FER: variants seen among roughly 807,000 people sequenced by gnomAD.
FER encodes the protein FER tyrosine kinase.
In FER, 63 loss-of-function variants were observed where a neutral mutation model predicts 111.0. The ratio of observed to expected loss-of-function variants is 0.57; its 90% CI spans 0.46 to 0.70. The LOEUF (loss-of-function observed/expected upper bound fraction) is 0.70, where lower values mean the gene tolerates loss of function less well. FER is among the 30% of genes least tolerant of loss of function. The pLI is 0.00. For synonymous variants in FER, 327 were observed against 313.9 expected, an observed-to-expected ratio of 1.04 and a Z score of -0.44; for missense variants, 914 against 954.0, an observed-to-expected ratio of 0.96 and a Z score of 0.55.
chr5:109,168,280 A>G (rs1158512999), intron 17 of FER, among the ~76,000 whole-genome samples: 3 of 152,174 alleles, frequency 2.0e-5, no homozygotes, highest in African/African-American at 7.2e-5. Context: ...TTTTCCTGGC[A>G]TAAATGACGT....
At chr5:109,148,178 A>G (rs562285689) in intron 17 of FER, among the ~76,000 whole-genome samples, 131 of 152,172 alleles carry the variant, frequency 8.6e-4, no homozygotes, top group African/African-American at 2.9e-3. Context: ...TCTCCAGTGA[A>G]TAATTAAGAA....
At chr5:108,879,331 A>G (rs6887757) in intron 8 of FER, among the ~76,000 whole-genome samples, 203 of 152,170 alleles carry the variant, frequency 1.3e-3, no homozygotes, top group African/African-American at 3.7e-3. Context: ...TGCTGCACCT[A>G]TAGACCCATC....
chr5:109,116,869 T>G (rs1750317009), intron 17 of FER, among the ~76,000 whole-genome samples: 1 of 152,164 alleles, frequency 6.6e-6, no homozygotes, highest in African/African-American at 2.4e-5. Flanking sequence ...AGGACTAAAG[T>G]GAAATGAATA....
In FER at chr5:109,044,753, A is replaced by C; in HGVS notation, c.1787A>C (p.Asp596Ala). The change falls in exon 15 of 20, where the codon GAT (aspartate) becomes GCT (alanine). Residue 596 changes from aspartate to alanine, a missense_variant. Around this residue, in one of 3 missense-constraint regions of FER, gnomAD observed 774 missense variants for 782.6 expected, o/e 0.99. Transcript: ENST00000281092. ...GTTGCTGTTAAAACATGTAAAGAAG[A>C]TCTTCCTCAGGAATTGAAAATAAAA... is the stretch of plus-strand genomic sequence containing the variant. ...TSVAVKTCKEDLPQELKIKFL... is the reference protein window; with the variant it reads ...TSVAVKTCKEALPQELKIKFL... 6.3e-7 allele frequency: 1 copy of C among 1,590,286 alleles called. No homozygotes were observed. The highest frequency in any genetic ancestry group is 8.5e-7 in the Non-Finnish European group (1 of 1,170,178).
intron 13 of FER, among the ~76,000 whole-genome samples, chr5:108,991,481 T>A (rs923304337): frequency 6.6e-6 from 1 of 152,168 alleles, no homozygotes; most frequent in Non-Finnish European, 1.5e-5. Flanking sequence ...AATGAAAAGA[T>A]GTATCATTAA....
intron 16 of FER, among the ~76,000 whole-genome samples, chr5:109,098,291 G>A (rs1027424693): frequency 8.6e-5 from 13 of 151,690 alleles, no homozygotes; most frequent in African/African-American, 2.9e-4. Flanking sequence ...TAAATAATTT[G>A]TTGAATAACA....
chr5:109,103,526 A>C (rs536920265), intron 17 of FER, among the ~76,000 whole-genome samples: 1 of 152,314 alleles, frequency 6.6e-6, no homozygotes, highest in East Asian at 1.9e-4. Flanking sequence ...TTTCCATTTA[A>C]CTTCCAGAAG....
At chr5:109,023,608 G>A (rs563326920) in intron 13 of FER, among the ~76,000 whole-genome samples, 36 of 151,870 alleles carry the variant, frequency 2.4e-4, no homozygotes, top group African/African-American at 8.7e-4. Flanking sequence ...GTTCCCTTAT[G>A]TCCATTTTTA....
intron 17 of FER, among the ~76,000 whole-genome samples, chr5:109,137,687 CG>C (rs998036336): frequency 6.6e-6 from 1 of 152,078 alleles, no homozygotes; most frequent in African/African-American, 2.4e-5. Context: ...GAAAGATAGG[CG>C]GGTTGGTGTT....
At chr5:108,937,033 T>G (rs193062549) in intron 10 of FER, among the ~76,000 whole-genome samples, 2 of 152,128 alleles carry the variant, frequency 1.3e-5, no homozygotes, top group Admixed American at 1.3e-4. Flanking sequence ...CATTTTTTTC[T>G]TATGTGTCAT....
At chr5:109,161,643 A>T (rs1378506159) in intron 17 of FER, among the ~76,000 whole-genome samples, 1 of 152,076 alleles carries the variant, frequency 6.6e-6, no homozygotes, top group Non-Finnish European at 1.5e-5. Flanking sequence ...GTCTACCATT[A>T]ATGGGCATTT....
chr5:108,987,446 C>CA (rs200502390), intron 13 of FER, among the ~76,000 whole-genome samples: 1,807 of 151,262 alleles, frequency 0.012, 18 homozygotes, highest in Non-Finnish European at 0.02. Flanking sequence ...AACTCCATCT[C>CA]AAAAAAAAGA....
chr5:109,120,278 G>A (rs1290874304), intron 17 of FER, among the ~76,000 whole-genome samples: 2 of 151,954 alleles, frequency 1.3e-5, no homozygotes, highest in African/African-American at 2.4e-5. Context: ...TTTTATTTTT[G>A]TATATGGCAA....
intron 13 of FER, among the ~76,000 whole-genome samples, chr5:108,990,454 G>A (rs1283639672): frequency 6.6e-6 from 1 of 151,698 alleles, no homozygotes; most frequent in African/African-American, 2.4e-5. Context: ...GTGTATGCAT[G>A]TGTATGTATG....
In FER at chr5:108,883,464, T is replaced by C. The variant is rs781144167; in HGVS notation, c.992T>C (p.Leu331Ser). The C allele has an allele frequency of 6.2e-7, 1 of 1,609,240 alleles. No homozygotes were observed. The highest frequency in any genetic ancestry group is 1.1e-5 in the South Asian group (1 of 90,618). ...QMLLNKEEAVLELEKRIEESS... is the reference protein window; with the variant it reads ...QMLLNKEEAVSELEKRIEESS... The stretch of plus-strand genomic sequence containing the variant: ...CTTTTAAACAAGGAGGAGGCTGTTT[T>C]GGAGTTAGAGAAGAGAATTGAAGAA... The change falls in exon 9 of 20, where the codon TTG becomes TCG. Residue 331 changes from leucine to serine, a missense_variant. Transcript: ENST00000281092.
At chr5:109,092,648 C>T (rs1306974651) in intron 16 of FER, among the ~76,000 whole-genome samples, 3 of 152,060 alleles carry the variant, frequency 2.0e-5, no homozygotes, top group Non-Finnish European at 4.4e-5. Flanking sequence ...GAATCCTGTG[C>T]ATTGCCGTTA....
intron 16 of FER, among the ~76,000 whole-genome samples, chr5:109,065,878 A>G (rs1561849565): frequency 6.6e-6 from 1 of 152,228 alleles, no homozygotes; most frequent in African/African-American, 2.4e-5. Context: ...TTGAGAGCCT[A>G]ATAAATGTAC....
intron 16 of FER, chr5:109,051,735 T>C (rs932389490): frequency 2.6e-6 from 4 of 1,567,042 alleles, no homozygotes; most frequent in Admixed American, 1.7e-5. Flanking sequence ...GGTCGCTCTT[T>C]CCCTTAACCC....
intron 9 of FER, among the ~76,000 whole-genome samples, chr5:108,885,906 GTAAAA>G (rs1279401266): frequency 6.6e-6 from 1 of 151,826 alleles, no homozygotes; most frequent in African/African-American, 2.4e-5. Flanking sequence ...TATTTGAATG[GTAAAA>G]TAAAACATCA....
Sources: allele counts gnomAD v4.1 joint callset (sites outside exome capture counted in the v4.1 genomes callset), GRCh38; gene constraint gnomAD v4.1.1; regional missense constraint gnomAD v4.1.1; transcripts MANE v1.5; gene names NCBI Gene and HGNC (gene_info 2026-07-23, HGNC 2026-07-21).